ENOX1: variants seen among roughly 807,000 people sequenced by gnomAD.
The protein encoded by ENOX1 is ecto-NOX disulfide-thiol exchanger 1.
A neutral mutation model predicts 82.5 loss-of-function variants in ENOX1; 42 were observed. The observed-to-expected ratio is 0.51, with a 90% CI of 0.40 to 0.66. The LOEUF is 0.66. Among genes scored for constraint, ENOX1 ranks in the 30% least tolerant of loss-of-function variants. The probability of loss-of-function intolerance (pLI) is 0.00; values close to 1 mark genes in which losing one functional copy is unlikely to be tolerated. For missense variants in ENOX1, 608 were observed against 811.6 expected (o/e 0.75, Z 3.05); for synonymous variants, 271 against 282.2 (o/e 0.96, Z 0.40).
chr13:43,570,019 T>C (rs1412443178), intron 2 of ENOX1, among the ~76,000 whole-genome samples: 1 of 152,240 alleles, frequency 6.6e-6, no homozygotes, highest in African/African-American at 2.4e-5. Context: ...AGGAACTTTG[T>C]CTTAATTTTC....
chr13:43,315,473 GAAC>G lies in ENOX1; in HGVS notation c.1261+6908_1261+6910del, dbSNP rs76405810. On this transcript the variant is annotated intron_variant, in intron 11 of 16. Transcript: ENST00000690772. ...AGAATTCTCTCCTGTGTTTAGGAAAGAACAACAACAATAAAAAGCTTACAAAGT... is the reference window on the plus strand; with the variant it reads ...AGAATTCTCTCCTGTGTTTAGGAAAGAACAACAATAAAAAGCTTACAAAGT... Among the ~76,000 whole-genome samples the G allele has an allele frequency of 1.6e-4, 25 of 152,160 alleles. No individual in the cohort carries two copies. The East Asian group carries it at 4.1e-3, about 25-fold the overall frequency.
intron 2 of ENOX1, among the ~76,000 whole-genome samples, chr13:43,603,391 T>TTTA (rs1289355914): frequency 2.0e-5 from 3 of 150,506 alleles, no homozygotes; most frequent in Non-Finnish European, 4.4e-5. Context: ...ATTTATTTAT[T>TTTA]TTATTATTAT....
At chr13:43,282,961 G>GTA (rs1400994934) in intron 12 of ENOX1, among the ~76,000 whole-genome samples, 7 of 151,992 alleles carry the variant, frequency 4.6e-5, no homozygotes, top group African/African-American at 1.7e-4. Context: ...GCATGCACCT[G>GTA]TAGTCCCAGC....
chr13:43,751,009 T>C (rs1394283275), intron 1 of ENOX1, among the ~76,000 whole-genome samples: 1 of 152,152 alleles, frequency 6.6e-6, no homozygotes, highest in East Asian at 1.9e-4. Context: ...TCCTAACACT[T>C]TGGGATGACA....
intron 2 of ENOX1, among the ~76,000 whole-genome samples, chr13:43,599,610 A>C (rs1052761846): frequency 6.6e-6 from 1 of 151,932 alleles, no homozygotes; most frequent in Non-Finnish European, 1.5e-5. Flanking sequence ...AAAGGACTAC[A>C]ATTCCTGGGC....
At chr13:43,254,257 T>C (rs1040560004) in intron 14 of ENOX1, among the ~76,000 whole-genome samples, 10 of 152,094 alleles carry the variant, frequency 6.6e-5, no homozygotes, top group African/African-American at 2.2e-4. Context: ...GGACATAGAG[T>C]TCACAGCACA....
intron 11 of ENOX1, among the ~76,000 whole-genome samples, chr13:43,305,294 G>A (rs911949833): frequency 4.6e-5 from 7 of 151,914 alleles, no homozygotes; most frequent in African/African-American, 7.3e-5. Flanking sequence ...AATTGCTCAC[G>A]GAAATTTCTT....
At chr13:43,716,788 C>CAA (rs33980324) in intron 1 of ENOX1, among the ~76,000 whole-genome samples, 23,055 of 147,746 alleles carry the variant, frequency 0.16, 2,366 homozygotes, top group Non-Finnish European at 0.22. Flanking sequence ...ACAATACCCA[C>CAA]AAAAAAAAAA....
chr13:43,277,663 A>G (rs978163855), intron 12 of ENOX1, among the ~76,000 whole-genome samples: 3 of 152,182 alleles, frequency 2.0e-5, no homozygotes, highest in African/African-American at 7.2e-5. Flanking sequence ...GCAGGGGTGA[A>G]GGGAGGGCAC....
chr13:43,538,219 T>C (rs1470556357), intron 2 of ENOX1, among the ~76,000 whole-genome samples: 1 of 152,236 alleles, frequency 6.6e-6, no homozygotes, highest in African/African-American at 2.4e-5. Flanking sequence ...CCATAAAATA[T>C]TTCCTTCATT....
At chr13:43,738,147 T>C (rs193115603) in intron 1 of ENOX1, among the ~76,000 whole-genome samples, 238 of 152,326 alleles carry the variant, frequency 1.6e-3, no homozygotes, top group African/African-American at 5.0e-3. Flanking sequence ...CTTTAGAGTA[T>C]GAATACCTTC....
Position 43,407,272 on chromosome 13 carries a change from T to C in ENOX1, c.208+4644A>G, listed in dbSNP as rs1176261945. ...TGACCCAAATTTTGAAATTTGAGAT[T>C]AGGGAGTGACACTGTTCAGCACAAA... On this transcript the variant is annotated intron_variant, in intron 5 of 16. Transcript: ENST00000690772. 2.6e-4 allele frequency among the ~76,000 whole-genome samples: 40 copies of C among 152,030 alleles called. 1 individual carries two copies. The highest frequency in any genetic ancestry group is 2.6e-3 in the Admixed American group (40 of 15,260).
intron 1 of ENOX1, among the ~76,000 whole-genome samples, chr13:43,750,599 C>T (rs1950260125): frequency 6.6e-6 from 1 of 152,118 alleles, no homozygotes; most frequent in Non-Finnish European, 1.5e-5. Context: ...CAGATTAAGG[C>T]AAGATCTCTG....
intron 2 of ENOX1, among the ~76,000 whole-genome samples, chr13:43,661,071 A>G (rs1377141925): frequency 6.6e-6 from 1 of 152,224 alleles, no homozygotes; most frequent in African/African-American, 2.4e-5. Flanking sequence ...TTCAGGTTTT[A>G]AAGTTATACT....
intron 2 of ENOX1, among the ~76,000 whole-genome samples, chr13:43,486,204 C>T (rs758231461): frequency 5.9e-5 from 9 of 151,940 alleles, no homozygotes; most frequent in Admixed American, 1.3e-4. Context: ...AGCGAGACTT[C>T]GTCTCAAAAA....
At chr13:43,433,910 G>C (rs1309269494) in intron 3 of ENOX1, among the ~76,000 whole-genome samples, 1 of 152,188 alleles carries the variant, frequency 6.6e-6, no homozygotes, top group African/African-American at 2.4e-5. Flanking sequence ...CCCATTACTT[G>C]TACCTGGTAA....
chr13:43,424,856 T>C (rs1486879957), intron 3 of ENOX1, among the ~76,000 whole-genome samples: 2 of 151,998 alleles, frequency 1.3e-5, no homozygotes, highest in Non-Finnish European at 2.9e-5. Context: ...GAAGGCATGA[T>C]GGGGTAGTTA....
At chr13:43,319,866 T>G (rs1017465710) in intron 11 of ENOX1, among the ~76,000 whole-genome samples, 10 of 152,212 alleles carry the variant, frequency 6.6e-5, no homozygotes, top group Non-Finnish European at 1.3e-4. Flanking sequence ...AATTCCCCTG[T>G]TAGTGAATTA....
chr13:43,695,685 TG>T (rs1195583898), intron 1 of ENOX1, among the ~76,000 whole-genome samples: 1 of 152,132 alleles, frequency 6.6e-6, no homozygotes, highest in Non-Finnish European at 1.5e-5. Context: ...TGACCTCAGA[TG>T]ATCGGCCCGC....
Sources: gnomAD v4.1 joint callset for allele counts (sites outside exome capture counted in the v4.1 genomes callset) on GRCh38, gnomAD v4.1.1 for gene constraint, MANE v1.5 for transcripts, NCBI Gene and HGNC (gene_info 2026-07-23, HGNC 2026-07-21) for gene names.